MTCL1: variants seen among roughly 807,000 people sequenced by gnomAD.
The protein encoded by MTCL1 is microtubule crosslinking factor 1.
MTCL1 carries 79 observed loss-of-function variants against 141.4 expected under a neutral mutation model. The ratio of observed to expected loss-of-function variants is 0.56; its 90% CI spans 0.47 to 0.67. The LOEUF (loss-of-function observed/expected upper bound fraction) is 0.67, where lower values mean the gene tolerates loss of function less well. MTCL1 is among the 30% of genes least tolerant of loss of function. The probability of loss-of-function intolerance (pLI) is 0.00; values close to 1 mark genes in which losing one functional copy is unlikely to be tolerated. For synonymous variants in MTCL1, 914 were observed against 875.8 expected, an observed-to-expected ratio of 1.04 and a Z score of -0.77; for missense variants, 2,177 against 2,113.9, an observed-to-expected ratio of 1.03 and a Z score of -0.59.
intron 6 of MTCL1, among the ~76,000 whole-genome samples, 175 bp downstream of exon 5, chr18:8,785,018 T>TTG (rs1293599584): frequency 4.7e-5 from 7 of 149,134 alleles, no homozygotes; most frequent in African/African-American, 1.8e-4. Flanking sequence ...CTCCGTTTTT[T>TTG]TTGTTTTTTT....
At chr18:8,725,340 T>C (rs1427898697) in intron 4 of MTCL1, among the ~76,000 whole-genome samples, 1 of 152,186 alleles carries the variant, frequency 6.6e-6, no homozygotes, top group African/African-American at 2.4e-5. Context: ...CTTTTGTGCA[T>C]AGTAAATCAT....
At chr18:8,725,902 G>T (rs2096207103) in intron 4 of MTCL1, among the ~76,000 whole-genome samples, 1 of 147,338 alleles carries the variant, frequency 6.8e-6, no homozygotes, top group African/African-American at 2.5e-5. Flanking sequence ...CCATTCTCCT[G>T]CCTCAGCCTC....
intron 13 of MTCL1, among the ~76,000 whole-genome samples, chr18:8,819,599 C>CT (rs2076774942): frequency 6.6e-6 from 1 of 151,994 alleles, no homozygotes; most frequent in South Asian, 2.1e-4. Context: ...TCAACTTTTT[C>CT]TTTTTTCTTT....
At chr18:8,719,414 A>G (rs2096152693) in intron 3 of MTCL1, among the ~76,000 whole-genome samples, 1 of 152,230 alleles carries the variant, frequency 6.6e-6, no homozygotes, top group African/African-American at 2.4e-5. Context: ...AGGGTGATTT[A>G]TATTTCTCTT....
intron 4 of MTCL1, among the ~76,000 whole-genome samples, chr18:8,761,629 C>G (rs912765443): frequency 1.3e-5 from 2 of 152,202 alleles, no homozygotes; most frequent in Non-Finnish European, 2.9e-5. Flanking sequence ...GGACAATTTA[C>G]AAAAGAAACA....
chr18:8,789,359 G>T (rs1326387623), intron 7 of MTCL1: 5 of 967,566 alleles, frequency 5.2e-6, no homozygotes, highest in Non-Finnish European at 6.1e-6. Flanking sequence ...TGAAGCCATG[G>T]TCATGGTGAT....
chr18:8,765,092 A>T (rs2096453408), intron 4 of MTCL1, among the ~76,000 whole-genome samples: 1 of 152,196 alleles, frequency 6.6e-6, no homozygotes, highest in African/African-American at 2.4e-5. Flanking sequence ...GGGATGAAGG[A>T]AGGTTCTTCC....
chr18:8,741,587 CTG>C (rs2096303600), intron 4 of MTCL1, among the ~76,000 whole-genome samples: 1 of 152,148 alleles, frequency 6.6e-6, no homozygotes, highest in Non-Finnish European at 1.5e-5. Context: ...AAATGGAAAA[CTG>C]TGACTGAGCA....
At chr18:8,720,495 A>T in exon 4 of MTCL1, 1 of 1,613,676 alleles carries the variant, frequency 6.2e-7, no homozygotes, top group Non-Finnish European at 8.5e-7. Flanking sequence ...AGACTGAAAG[A>T]GGTAATCCAA....
chr18:8,725,134 A>G (rs1048626156), intron 4 of MTCL1, among the ~76,000 whole-genome samples: 1 of 152,096 alleles, frequency 6.6e-6, no homozygotes, highest in South Asian at 2.1e-4. Context: ...TTAGAGTTCT[A>G]TTACGTGCTA....
intron 1 of MTCL1, among the ~76,000 whole-genome samples, chr18:8,711,904 A>G (rs1211411402): frequency 1.3e-5 from 2 of 152,212 alleles, no homozygotes; most frequent in Non-Finnish European, 2.9e-5. Flanking sequence ...CTTCCCTGCC[A>G]GGCTGCCAAG....
exon 6 of MTCL1, chr18:8,784,103 G>A (rs765578566): frequency 1.2e-6 from 2 of 1,613,386 alleles, no homozygotes; most frequent in East Asian, 4.5e-5. Context: ...TGCCGGGGGT[G>A]GGGCCCCCCT....
At chr18:8,777,790 G>T (rs368486615) in intron 4 of MTCL1, 43 bp from the exon 4 acceptor site, 33 of 1,588,470 alleles carry the variant, frequency 2.1e-5, no homozygotes, top group Non-Finnish European at 2.8e-5. Flanking sequence ...TGGCTATCAC[G>T]TGTGAGCCCT....
chr18:8,718,835 T>C (rs2096148183), intron 3 of MTCL1, among the ~76,000 whole-genome samples, 187 bp downstream of exon 2: 1 of 152,176 alleles, frequency 6.6e-6, no homozygotes, highest in Non-Finnish European at 1.5e-5. Flanking sequence ...AAGGTTTACA[T>C]TTGTCATAAT....
upstream of MTCL1, among the ~76,000 whole-genome samples, chr18:8,714,018 A>G (rs2096110928): frequency 6.6e-6 from 1 of 152,210 alleles, no homozygotes; most frequent in African/African-American, 2.4e-5. Flanking sequence ...AGTTGCCCTA[A>G]TGGATATGCT....
At chr18:8,713,260 T>C (rs765840940), upstream of MTCL1, among the ~76,000 whole-genome samples, 9 of 152,232 alleles carry the variant, frequency 5.9e-5, no homozygotes, top group Non-Finnish European at 1.2e-4. Flanking sequence ...AAAACTAGCT[T>C]TTCAATGAGA....
chr18:8,784,614 A>T (rs1965665), exon 6 of MTCL1: 3 of 1,613,070 alleles, frequency 1.9e-6, no homozygotes, highest in Non-Finnish European at 2.5e-6. Context: ...GAAGAGGAGC[A>T]GGGTGAGGGG....
intron 14 of MTCL1, among the ~76,000 whole-genome samples, chr18:8,824,108 GACC>G (rs2144450850): frequency 1.3e-5 from 2 of 152,320 alleles, no homozygotes; most frequent in Non-Finnish European, 2.9e-5. Flanking sequence ...CCCCGTTCCT[GACC>G]ACCACTTCTT....
At chr18:8,720,406 TGAG>T (rs776228882) in exon 4 of MTCL1, 3 of 1,613,972 alleles carry the variant, frequency 1.9e-6, no homozygotes, top group African/African-American at 1.3e-5. Context: ...GCGCTAAAGC[TGAG>T]GATGAAAACG....
Sources: gnomAD v4.1 joint callset for allele counts (sites outside exome capture counted in the v4.1 genomes callset) on GRCh38, gnomAD v4.1.1 for gene constraint, MANE v1.5 for transcripts, NCBI Gene and HGNC (gene_info 2026-07-23, HGNC 2026-07-21) for gene names.